BIN3: variants seen among roughly 807,000 people sequenced by gnomAD.
BIN3 encodes bridging integrator 3.
A neutral mutation model predicts 38.2 loss-of-function variants in BIN3; 41 were observed. The observed-to-expected ratio is 1.07, with a 90% CI of 0.84 to 1.39. The LOEUF is 1.39. Among genes scored for constraint, BIN3 ranks in the 40% most tolerant of loss-of-function variants. The probability of loss-of-function intolerance (pLI) is 0.00; values close to 1 mark genes in which losing one functional copy is unlikely to be tolerated. For synonymous variants in BIN3, 145 were observed against 122.6 expected, an observed-to-expected ratio of 1.18 and a Z score of -1.21; for missense variants, 361 against 324.3, an observed-to-expected ratio of 1.11 and a Z score of -0.87.
chr8:22,668,483 C>A (rs899578216), intron 1 of BIN3, among the ~76,000 whole-genome samples: 1 of 152,212 alleles, frequency 6.6e-6, no homozygotes, highest in African/African-American at 2.4e-5. Context: ...ATGATTAAAA[C>A]CAGTCCAATC....
chr8:22,629,379 C>T lies in BIN3; in HGVS notation c.338+585G>A, dbSNP rs372150138. On this transcript the variant is annotated intron_variant, in intron 6 of 8. Coordinates refer to ENST00000276416, the MANE Select transcript of BIN3 (RefSeq NM_018688.6). ...TCTGCCTGTTCCCCGCCCTGGGGAC[C>T]GAGGGAATAGGCCTGTCTGATCACT... is the stretch of plus-strand genomic sequence containing the variant. 3.2e-4 allele frequency among the ~76,000 whole-genome samples: 49 copies of T among 152,276 alleles called. No homozygotes were observed. The East Asian group carries it at 6.4e-3, about 20-fold the overall frequency.
At chr8:22,639,233 ATT>A (rs112169422) in intron 2 of BIN3, among the ~76,000 whole-genome samples, 37 of 141,080 alleles carry the variant, frequency 2.6e-4, no homozygotes, top group Middle Eastern at 3.6e-3. Context: ...AGTACTAAGC[ATT>A]TTTTTTTTTT....
chr8:22,649,968 TATC>T (rs59607596), intron 1 of BIN3, among the ~76,000 whole-genome samples: 2,527 of 152,230 alleles, frequency 0.017, 68 homozygotes, highest in African/African-American at 0.057. Flanking sequence ...GTAAAAGAAA[TATC>T]ATGAATGGTT....
At chr8:22,630,343 G>C in intron 5 of BIN3, 99 bp downstream of exon 5, 3 of 1,496,840 alleles carry the variant, frequency 2.0e-6, no homozygotes, top group Non-Finnish European at 2.7e-6. Flanking sequence ...AGAGCCCTGA[G>C]AGCAGAGGGA....
intron 8 of BIN3, among the ~76,000 whole-genome samples, chr8:22,622,323 A>C (rs532977475): frequency 1.6e-4 from 24 of 152,328 alleles, no homozygotes; most frequent in Non-Finnish European, 2.9e-4. Context: ...CACTCTAGAC[A>C]TGAGGAGGAG....
chr8:22,621,108 AC>A lies in BIN3; in HGVS notation c.*313del, dbSNP rs1801784973. 3.2e-6 allele frequency: 1 copy of A among 310,764 alleles called. No homozygotes were observed. Among genetic ancestry groups the A allele is most frequent in the Non-Finnish European group, 6.0e-6 (1 of 166,760 alleles). The allele number at this position is 310,764 out of a possible 1,614,324, so 19.3% of individuals were successfully genotyped here. ...AAGGCTAAGACCCCCAACTTAGCCA[AC>A]GAAGCCCATGGCCTCAGAAGGGCTG... On this transcript the variant is annotated 3_prime_UTR_variant, in exon 9 of 9. Transcript: ENST00000276416.
At position 22,621,157 on chromosome 8, in the gene BIN3, A is replaced by C; in HGVS notation, c.*265T>G. 1 of 446,070 alleles carries C rather than the reference A, an allele frequency of 2.2e-6. No individual in the cohort carries two copies. Among genetic ancestry groups the C allele is most frequent in the South Asian group, 2.9e-5 (1 of 34,812 alleles). The allele number at this position is 446,070 out of a possible 1,614,324, so 27.6% of individuals were successfully genotyped here. A position where few individuals can be genotyped will look rare whatever the true frequency, so the allele number is the denominator to read the frequency against. ...CTGCAGCTTGCTCAGGCCGTGGGCC[A>C]GGATGCATGCTGGACGGTTCTCCAA... is the stretch of plus-strand genomic sequence containing the variant. On this transcript the variant is annotated 3_prime_UTR_variant, in exon 9 of 9. Transcript: ENST00000276416.
At chr8:22,653,351 T>C (rs552448559) in intron 1 of BIN3, among the ~76,000 whole-genome samples, 3 of 152,218 alleles carry the variant, frequency 2.0e-5, no homozygotes, top group Non-Finnish European at 4.4e-5. Context: ...TCACTTTTGG[T>C]ACAATTGGAA....
chr8:22,622,011 G>A (rs540805367), intron 8 of BIN3, among the ~76,000 whole-genome samples: 98 of 152,354 alleles, frequency 6.4e-4, no homozygotes, highest in African/African-American at 2.1e-3. Flanking sequence ...GGGGATGCCC[G>A]TCTAGCCTTC....
At chr8:22,645,041 C>A in intron 1 of BIN3, 1 of 474,018 alleles carries the variant, frequency 2.1e-6, no homozygotes, top group Non-Finnish European at 3.9e-6. Context: ...CCCAGAACAT[C>A]TTTGCTACTG....
At position 22,630,434 on chromosome 8, in the gene BIN3, C is replaced by T. The variant is rs1379093212; in HGVS notation, c.297+8G>A. 6.2e-7 allele frequency: 1 copy of T among 1,613,870 alleles called. No homozygotes were observed. The highest frequency in any genetic ancestry group is 2.2e-5 in the East Asian group (1 of 44,888). ...ATGCTTGCCCACCCCACACCAAGACCTAGTCACCTTTTCCTGATTGAAGGC... is the reference window on the plus strand; with the variant it reads ...ATGCTTGCCCACCCCACACCAAGACTTAGTCACCTTTTCCTGATTGAAGGC... On this transcript the variant is annotated splice_region_variant and intron_variant, in intron 5 of 8. Transcript: ENST00000276416.
At chr8:22,623,881 C>G (rs1205296035) in intron 8 of BIN3, 34 bp downstream of exon 8, 1 of 1,604,886 alleles carries the variant, frequency 6.2e-7, no homozygotes, top group East Asian at 2.2e-5. Context: ...GCTGTGTATA[C>G]CAAGCCCAGG....
intron 1 of BIN3, among the ~76,000 whole-genome samples, chr8:22,652,153 T>C (rs930108410): frequency 6.6e-6 from 1 of 152,210 alleles, no homozygotes; most frequent in African/African-American, 2.4e-5. Flanking sequence ...CTTCCCTTTA[T>C]AGTTTCAGTT....
chr8:22,629,901 C>T, intron 6 of BIN3, 63 bp downstream of exon 6: 1 of 1,460,554 alleles, frequency 6.8e-7, no homozygotes, highest in Non-Finnish European at 9.4e-7. Flanking sequence ...CTTCAGTCCC[C>T]AAGTGGCTGC....
At chr8:22,658,796 T>A (rs1488466027) in intron 1 of BIN3, among the ~76,000 whole-genome samples, 1 of 151,390 alleles carries the variant, frequency 6.6e-6, no homozygotes, top group African/African-American at 2.4e-5. Flanking sequence ...GCGAGGGAGG[T>A]AAGGGAGGTG....
At chr8:22,666,007 C>G (rs1803405601) in intron 1 of BIN3, among the ~76,000 whole-genome samples, 1 of 152,152 alleles carries the variant, frequency 6.6e-6, no homozygotes. Context: ...CTGTGAGTGG[C>G]TGAGCCAGAA....
intron 4 of BIN3, among the ~76,000 whole-genome samples, chr8:22,632,068 T>C (rs1435315667): frequency 6.6e-6 from 1 of 152,226 alleles, no homozygotes; most frequent in Non-Finnish European, 1.5e-5. Flanking sequence ...TTTAAGATGC[T>C]CTTCATTATA....
At position 22,620,737 on chromosome 8, in the gene BIN3, G is replaced by A. The variant is rs1382139889; in HGVS notation, c.*685C>T. 6.6e-6 allele frequency: 1 copy of A among 152,134 alleles called. No homozygotes were observed. Among genetic ancestry groups the A allele is most frequent in the Non-Finnish European group, 1.5e-5 (1 of 67,990 alleles). 9.4% of individuals were successfully genotyped at this position (152,134 alleles called of 1,614,324 possible). ...GGACGTTTCATTGAAAATTTTACTT[G>A]AAAAAATAAAATTCCAGATACTCAG... On this transcript the variant is annotated 3_prime_UTR_variant, in exon 9 of 9. Coordinates refer to ENST00000276416, the MANE Select transcript of BIN3 (RefSeq NM_018688.6).
rs752586052 is a variant in BIN3 at position 22,669,077 on chromosome 8, G to A, written c.-26C>T. On this transcript the variant is annotated 5_prime_UTR_variant, in exon 1 of 9. Transcript: ENST00000276416. ...GGTCCCGAACCTGCGTCTGCCGCCG[G>A]GGTCCTCAGCCACAACTCGTTTCTC... 3 of 1,591,076 alleles carry A rather than the reference G, an allele frequency of 1.9e-6. No homozygotes were observed. In the South Asian group the frequency reaches 3.4e-5, roughly 18 times the overall value.
Sources: allele counts gnomAD v4.1 joint callset (sites outside exome capture counted in the v4.1 genomes callset), GRCh38; gene constraint gnomAD v4.1.1; transcripts MANE v1.5; gene names NCBI Gene and HGNC (gene_info 2026-07-23, HGNC 2026-07-21).